Variants in PFKP observed in about 807,000 individuals in gnomAD.
PFKP encodes ATP-dependent 6-phosphofructokinase, platelet type.
Under a neutral mutation model 94.3 loss-of-function variants are expected in PFKP, and 101 were observed. The ratio of observed to expected loss-of-function variants is 1.07; its 90% CI spans 0.91 to 1.26. The LOEUF is 1.26. Ranked by LOEUF, PFKP falls within the 50% of genes most tolerant of loss-of-function variation. The pLI, the probability that PFKP is intolerant of heterozygous loss-of-function variation, is 0.00. For synonymous variants in PFKP, 573 were observed against 432.6 expected (o/e 1.32, Z -4.03); for missense variants, 1,145 against 1,103.3 (o/e 1.04, Z -0.53).
rs570724417 is a variant in PFKP at position 3,069,648 on chromosome 10, C to T, written c.112+1941C>T. On this transcript the variant is annotated intron_variant, in intron 1 of 21. Transcript: ENST00000381125. ...TTGTCATCCCAGTGCTTTGGGAGGC[C>T]GAGGCAGGAGGCTCGCTTGAGCCGA... Among the ~76,000 whole-genome samples the T allele has an allele frequency of 3.3e-5, 5 of 151,828 alleles. No individual in the cohort carries two copies. In the East Asian group the frequency reaches 9.7e-4, roughly 29 times the overall value.
chr10:3,082,458 CGAGGTCA>C lies in PFKP; in HGVS notation c.185_186+5del. ...TGGGGGCCAAGGTGTACTTCATCTA[CGAGGTCA>C]GTGTCTGCCCCTCACCCCCTGTCGC... On this transcript the variant is annotated splice_donor_variant and splice_donor_region_variant and coding_sequence_variant and intron_variant, in exon 2 of 22. Transcript: ENST00000381125. LOFTEE classifies it high-confidence loss of function. 6.2e-7 allele frequency: 1 copy of C among 1,604,078 alleles called. No homozygotes were observed. Among genetic ancestry groups the C allele is most frequent in the Non-Finnish European group, 8.5e-7 (1 of 1,173,376 alleles).
intron 4 of PFKP, among the ~76,000 whole-genome samples, chr10:3,102,815 C>T (rs1226700732): frequency 2.0e-5 from 3 of 152,198 alleles, no homozygotes; most frequent in Admixed American, 6.5e-5. Flanking sequence ...GCAGCTGTCC[C>T]CAGGTTTGTG....
intron 2 of PFKP, among the ~76,000 whole-genome samples, chr10:3,095,482 G>A (rs564764048): frequency 1.3e-5 from 2 of 152,218 alleles, no homozygotes; most frequent in African/African-American, 2.4e-5. Flanking sequence ...CGATGGATCC[G>A]ATACAGCCAA....
chr10:3,100,415 TAAATG>T (rs2131533834), intron 3 of PFKP, among the ~76,000 whole-genome samples: 1 of 141,780 alleles, frequency 7.1e-6, no homozygotes, highest in East Asian at 1.9e-4. Flanking sequence ...TTTGATAAAT[TAAATG>T]GTGGTAGGTT....
intron 1 of PFKP, among the ~76,000 whole-genome samples, chr10:3,068,170 G>GC (rs556811448): frequency 2.3e-4 from 35 of 152,076 alleles, no homozygotes; most frequent in South Asian, 2.1e-4. Flanking sequence ...CTTCCTAAGT[G>GC]CCCCCCCGCC....
At chr10:3,123,944 T>C (rs1837670695) in intron 16 of PFKP, among the ~76,000 whole-genome samples, 1 of 150,370 alleles carries the variant, frequency 6.7e-6, no homozygotes, top group African/African-American at 2.4e-5. Context: ...ACAGCTCACC[T>C]TGTGGTCACC....
intron 2 of PFKP, among the ~76,000 whole-genome samples, chr10:3,095,357 A>C (rs1249187939): frequency 8.4e-6 from 1 of 119,210 alleles, no homozygotes; most frequent in Admixed American, 8.2e-5. Context: ...CATGGTTAGA[A>C]GGCTGGTTAT....
intron 1 of PFKP, among the ~76,000 whole-genome samples, chr10:3,078,218 C>T (rs2131399046): frequency 6.6e-6 from 1 of 152,340 alleles, no homozygotes. Flanking sequence ...GCCAAAAGCC[C>T]ACGTTGCGGG....
In PFKP at chr10:3,109,471, C is replaced by A. The variant is rs768290273; in HGVS notation, c.1080C>A (p.Cys360Ter). 6.2e-7 allele frequency: 1 copy of A among 1,604,940 alleles called. No homozygotes were observed. The highest frequency in any genetic ancestry group is 8.5e-7 in the Non-Finnish European group (1 of 1,179,768). The change falls in exon 10 of 22, where the codon TGC (cysteine) becomes TGA (stop). Residue 360 changes from cysteine to a stop codon, truncating the protein, a stop_gained. Transcript: ENST00000381125. LOFTEE classifies it high-confidence loss of function. ...CCGTGCGCCTGCCGCTGATGGAGTG[C>A]GTGCAGATGGTGAGTGGGCAGCCCA... ...NHAVRLPLME[C>*]VQMTQDVQKA...
chr10:3,103,996 C>G lies in PFKP; in HGVS notation c.620+52C>G, dbSNP rs551556098. ...AGGCCAGTGGGGCCCGACGTGTGCC[C>G]AGCTCAGACGTTACCACGGGCTCTA... On this transcript the variant is annotated intron_variant, in intron 5 of 21. Coordinates refer to ENST00000381125, the MANE Select transcript of PFKP (RefSeq NM_002627.5). 146 of 1,556,088 alleles carry G rather than the reference C, an allele frequency of 9.4e-5. 1 individual carries two copies. The East Asian group carries it at 3.1e-3, about 33-fold the overall frequency.
rs568766135 is a variant in PFKP, at chr10:3,073,441, G to C, written c.112+5734G>C. 2.0e-5 allele frequency among the ~76,000 whole-genome samples: 3 copies of C among 152,024 alleles called. No individual in the cohort carries two copies. The East Asian group carries it at 5.8e-4, about 29-fold the overall frequency. On this transcript the variant is annotated intron_variant, in intron 1 of 21. Transcript: ENST00000381125. ...CCAGAGATGCCTAGGGGAGCCTGCGGAGGTGTAGATCCTGACTGTGTGGGT... is the reference window on the plus strand; with the variant it reads ...CCAGAGATGCCTAGGGGAGCCTGCGCAGGTGTAGATCCTGACTGTGTGGGT...
intron 16 of PFKP, among the ~76,000 whole-genome samples, chr10:3,124,594 C>T (rs964533188): frequency 6.6e-6 from 1 of 152,226 alleles, no homozygotes; most frequent in African/African-American, 2.4e-5. Context: ...CAGCTGCATG[C>T]CCCCTTCCCT....
Position 3,093,788 on chromosome 10 carries a change from C to T in PFKP, c.187-5487C>T, listed in dbSNP as rs557530071. Reference sequence around the variant, plus strand: ...CCTCCCGAGCAGCTGGGACTACAGGCTCCCGCCACCACACCCGGCTAATTT... The same window carrying T: ...CCTCCCGAGCAGCTGGGACTACAGGTTCCCGCCACCACACCCGGCTAATTT... On this transcript the variant is annotated intron_variant, in intron 2 of 21. Transcript: ENST00000381125. Among the ~76,000 whole-genome samples, 237 of 152,094 alleles carry T rather than the reference C, an allele frequency of 1.6e-3. 2 individuals carry two copies. The highest frequency in any genetic ancestry group is 5.4e-3 in the African/African-American group (224 of 41,488).
intron 19 of PFKP, 68 bp downstream of exon 19, chr10:3,133,382 A>ATACAT (rs1838829926): frequency 2.0e-6 from 2 of 994,718 alleles, no homozygotes; most frequent in Non-Finnish European, 3.2e-6. Context: ...TTAGTGTCTT[A>ATACAT]TTTTAGCCAT....
intron 2 of PFKP, among the ~76,000 whole-genome samples, chr10:3,087,568 TATG>T (rs1833699340): frequency 1.3e-5 from 2 of 152,344 alleles, no homozygotes; most frequent in South Asian, 2.1e-4. Context: ...TTCTAATTTT[TATG>T]ATAACTTTTA....
At chr10:3,113,971 T>G (rs1402564341) in intron 13 of PFKP, among the ~76,000 whole-genome samples, 1 of 152,028 alleles carries the variant, frequency 6.6e-6, no homozygotes, top group Non-Finnish European at 1.5e-5. Context: ...TTGACATGTG[T>G]TCACCCATTT....
chr10:3,069,420 AG>A (rs750062411), intron 1 of PFKP: 8 of 1,566,520 alleles, frequency 5.1e-6, no homozygotes, highest in Non-Finnish European at 6.9e-6. Flanking sequence ...GGGTCGGGAT[AG>A]GACCCAGAGT....
At chr10:3,110,997 AGTGT>A (rs763835504) in intron 10 of PFKP, among the ~76,000 whole-genome samples, 5 of 146,974 alleles carry the variant, frequency 3.4e-5, no homozygotes, top group Non-Finnish European at 7.5e-5. Flanking sequence ...TGTACATTTG[AGTGT>A]GAGGTAGTAT....
rs1174659438 is a variant in PFKP at position 3,113,377 on chromosome 10, T to C, written c.1230T>C (p.Asn410=). 4 of 1,584,276 alleles carry C rather than the reference T, an allele frequency of 2.5e-6. No homozygotes were observed. The South Asian group carries it at 3.4e-5, about 14-fold the overall frequency. ...ACCTGCCTTCTGTTTTGCAGACCAA[T>C]TGCAACGTAGCTGTCATCAACGTGG... is the stretch of plus-strand genomic sequence containing the variant. The part of the protein sequence containing the change: ...KLPDDQIPKT[N]CNVAVINVGA... Residue 410 remains asparagine (N), a synonymous_variant, in exon 13 of 22, where the codon AAT becomes AAC. Coordinates refer to ENST00000381125, the MANE Select transcript of PFKP (RefSeq NM_002627.5).
Sources: allele counts gnomAD v4.1 joint callset (sites outside exome capture counted in the v4.1 genomes callset), GRCh38; gene constraint gnomAD v4.1.1; transcripts MANE v1.5; gene names NCBI Gene and HGNC (gene_info 2026-07-23, HGNC 2026-07-21).